The following VPS35 variants were observed in gnomAD, a reference collection of about 807,000 sequenced individuals.
VPS35 encodes vacuolar protein sorting-associated protein 35.
A neutral mutation model predicts 98.1 loss-of-function variants in VPS35; 21 were observed. That is an observed-to-expected ratio of 0.21 (90% confidence interval 0.15 to 0.31). VPS35 has a LOEUF of 0.31. Among genes scored for constraint, VPS35 ranks in the 10% least tolerant of loss-of-function variants. The probability of loss-of-function intolerance (pLI) is 1.00; values close to 1 mark genes in which losing one functional copy is unlikely to be tolerated. For synonymous variants in VPS35, 268 were observed against 318.2 expected (o/e 0.84, Z 1.68); for missense variants, 554 against 950.8 (o/e 0.58, Z 5.49).
At chr16:46,674,745 C>T (rs1596719050) in intron 8 of VPS35, 85 bp from the exon 9 acceptor site, 1 of 1,194,466 alleles carries the variant, frequency 8.4e-7, no homozygotes. Flanking sequence ...TTCTTTATTG[C>T]TTTTCTATAT....
intron 1 of VPS35, among the ~76,000 whole-genome samples, chr16:46,685,349 A>C (rs962845041): frequency 2.0e-5 from 3 of 152,212 alleles, no homozygotes; most frequent in African/African-American, 7.2e-5. Context: ...ACTTGATAAC[A>C]TAAAACCCAC....
chr16:46,686,595 A>T (rs1966319565), intron 1 of VPS35, among the ~76,000 whole-genome samples: 2 of 152,224 alleles, frequency 1.3e-5, no homozygotes, highest in Non-Finnish European at 2.9e-5. Context: ...TTTATATATT[A>T]CTCATAAAAC....
chr16:46,688,638 G>A, intron 1 of VPS35: 1 of 1,017,628 alleles, frequency 9.8e-7, no homozygotes, highest in Non-Finnish European at 1.2e-6. Context: ...GCCAAGAAAG[G>A]CCAAGGAATC....
At chr16:46,670,935 T>G (rs1276478714) in intron 12 of VPS35, among the ~76,000 whole-genome samples, 1 of 152,094 alleles carries the variant, frequency 6.6e-6, no homozygotes, top group Non-Finnish European at 1.5e-5. Context: ...GCCTTATGCA[T>G]CCAAGAATGG....
chr16:46,683,004 T>C, intron 2 of VPS35: 1 of 160,246 alleles, frequency 6.2e-6, no homozygotes, highest in Non-Finnish European at 1.4e-5. Context: ...AAGTGTTAAG[T>C]ATAATTTTTA....
chr16:46,660,086 A>G lies in VPS35; in HGVS notation c.*386T>C. ...AAGAGACAGACGCTTTTGGGTTAGT[A>G]CTCCCCAGGAATGAAGAAAATACAC... On this transcript the variant is annotated 3_prime_UTR_variant, in exon 17 of 17. Transcript: ENST00000299138. 1 of 170,850 alleles carries G rather than the reference A, an allele frequency of 5.9e-6. No homozygotes were observed. Among genetic ancestry groups the G allele is most frequent in the South Asian group, 1.5e-4 (1 of 6,858 alleles). The allele number at this position is 170,850 out of a possible 1,614,324, so 10.6% of individuals were successfully genotyped here. A position where few individuals can be genotyped will look rare whatever the true frequency, so the allele number is the denominator to read the frequency against.
chr16:46,668,449 T>C (rs1461765485), intron 13 of VPS35, among the ~76,000 whole-genome samples: 2 of 152,150 alleles, frequency 1.3e-5, no homozygotes, highest in African/African-American at 4.8e-5. Context: ...AACATTAACC[T>C]GAATGTCCAA....
intron 11 of VPS35, 27 bp from the exon 12 acceptor site, chr16:46,671,887 C>G: frequency 6.2e-7 from 1 of 1,611,548 alleles, no homozygotes; most frequent in Non-Finnish European, 8.5e-7. Context: ...ACAAGAAACC[C>G]ACTGAGGTGA....
At chr16:46,687,615 A>C (rs1217972086) in intron 1 of VPS35, among the ~76,000 whole-genome samples, 1 of 152,204 alleles carries the variant, frequency 6.6e-6, no homozygotes, top group East Asian at 1.9e-4. Context: ...AAGTTCTACA[A>C]GCGTGTCTCC....
intron 1 of VPS35, chr16:46,688,406 G>C (rs967297535): frequency 5.1e-6 from 5 of 987,084 alleles, no homozygotes; most frequent in Middle Eastern, 5.2e-4. Context: ...GTCATAGACG[G>C]GCCCTAAGGA....
chr16:46,674,660 T>TC lies in VPS35; in HGVS notation c.915-1dup (p.Leu306IlefsTer8). On this transcript the variant is annotated frameshift_variant and splice_region_variant. Coordinates refer to ENST00000299138, the MANE Select transcript of VPS35 (RefSeq NM_018206.6). LOFTEE classifies it high-confidence loss of function. ...CTTCACGGTGAGCAAATAAAGCTAA[T>TC]CTAAAAAAAAAAAAAACACCCCTTT... is the stretch of plus-strand genomic sequence containing the variant. 1 of 1,558,688 alleles carries TC rather than the reference T, an allele frequency of 6.4e-7. No individual in the cohort carries two copies. Among genetic ancestry groups the TC allele is most frequent in the Non-Finnish European group, 8.7e-7 (1 of 1,149,916 alleles).
chr16:46,668,238 T>C (rs1402732415), intron 13 of VPS35, among the ~76,000 whole-genome samples: 1 of 152,048 alleles, frequency 6.6e-6, no homozygotes, highest in Non-Finnish European at 1.5e-5. Context: ...CTACTAAAAA[T>C]ACAAAAATTA....
In VPS35 at chr16:46,660,184, G is replaced by GTTTTTTTTTTTTT. The variant is rs369068093; in HGVS notation, c.*287_*288insAAAAAAAAAAAAA. ...TAGTAGCCAAGATAAGTGCTTGTGG[G>GTTTTTTTTTTTTT]TTTTGTGTTTTTTTTTTTTTTTTTT... On this transcript the variant is annotated 3_prime_UTR_variant, in exon 17 of 17. Coordinates refer to ENST00000299138, the MANE Select transcript of VPS35 (RefSeq NM_018206.6). 1 of 68,076 alleles carries GTTTTTTTTTTTTT rather than the reference G, an allele frequency of 1.5e-5. No individual in the cohort carries two copies. Among genetic ancestry groups the GTTTTTTTTTTTTT allele is most frequent in the Non-Finnish European group, 2.6e-5 (1 of 38,522 alleles). 4.2% of individuals were successfully genotyped at this position (68,076 alleles called of 1,614,324 possible). A position where few individuals can be genotyped will look rare whatever the true frequency, so the allele number is the denominator to read the frequency against.
rs780111914 is a variant in VPS35 at position 46,662,290 on chromosome 16, C to A, written c.2020G>T (p.Ala674Ser). ...PDQGRAVSTCAHLFWSGRNTD... is the reference protein window; with the variant it reads ...PDQGRAVSTCSHLFWSGRNTD... ...TTTCTGCCAGACCAGAAGAGATGTG[C>A]ACAGGTGCTCACAGCTCGGCCCTGA... The change falls in exon 15 of 17, where the codon GCA becomes TCA. Residue 674 changes from alanine (A) to serine (S), a missense_variant. By Grantham distance (99) the Ala-to-Ser change is moderately conservative (BLOSUM62 1). Around this residue, in one of 5 missense-constraint regions of VPS35, gnomAD observed 153 missense variants for 211.0 expected, o/e 0.73. Coordinates refer to ENST00000299138, the MANE Select transcript of VPS35 (RefSeq NM_018206.6). 3 of 1,614,130 alleles carry A rather than the reference C, an allele frequency of 1.9e-6. No individual in the cohort carries two copies. In the South Asian group the frequency reaches 3.3e-5, roughly 18 times the overall value.
At chr16:46,674,838 TG>T (rs946815922) in intron 8 of VPS35, among the ~76,000 whole-genome samples, 178 bp from the exon 9 acceptor site, 2 of 151,828 alleles carry the variant, frequency 1.3e-5, no homozygotes, top group Non-Finnish European at 2.9e-5. Flanking sequence ...TCGCCCAGGC[TG>T]GAGTGCAGTC....
intron 8 of VPS35, 110 bp downstream of exon 8, chr16:46,676,473 A>C: frequency 1.3e-6 from 1 of 749,364 alleles, no homozygotes; most frequent in South Asian, 1.5e-5. Flanking sequence ...TAATTAAATT[A>C]AGATCATTGG....
In VPS35 at chr16:46,661,899, T is replaced by C; in HGVS notation, c.2068-38A>G. On this transcript the variant is annotated intron_variant, in intron 15 of 16. Transcript: ENST00000299138. The surrounding 1 kb of genome is among the most constrained non-coding windows in gnomAD (Gnocchi z 4.3). ...GGCAGGGGGACAGTGAAGAGATTAA[T>C]GAAACATCTCGTTTTCATACAAAGA... 6.2e-7 allele frequency: 1 copy of C among 1,613,692 alleles called. No individual in the cohort carries two copies. The highest frequency in any genetic ancestry group is 8.5e-7 in the Non-Finnish European group (1 of 1,179,804).
chr16:46,677,925 G>T (rs1485504364), intron 6 of VPS35, among the ~76,000 whole-genome samples: 1 of 152,166 alleles, frequency 6.6e-6, no homozygotes, highest in Admixed American at 6.5e-5. Context: ...GTCTCTGATT[G>T]ATTTCTGTGT....
intron 2 of VPS35, chr16:46,683,047 C>A (rs1253220152): frequency 6.0e-6 from 1 of 166,180 alleles, no homozygotes; most frequent in East Asian, 1.7e-4. Flanking sequence ...ATCTATTCAG[C>A]AAAGAAATTA....
Sources: gnomAD v4.1 joint callset for allele counts (sites outside exome capture counted in the v4.1 genomes callset) on GRCh38, gnomAD v4.1.1 for gene constraint, gnomAD v4.1.1 regional missense constraint, Gnocchi (gnomAD v3.1) non-coding constraint, MANE v1.5 for transcripts, NCBI Gene and HGNC (gene_info 2026-07-23, HGNC 2026-07-21) for gene names.